CNNM1: variants seen among roughly 807,000 people sequenced by gnomAD.
CNNM1 encodes the protein cyclin and CBS domain divalent metal cation transport mediator 1.
In CNNM1, 44 loss-of-function variants were observed where a neutral mutation model predicts 78.8. That is an observed-to-expected ratio of 0.56 (90% CI 0.44 to 0.72). CNNM1 has a LOEUF of 0.72. CNNM1 is among the 30% of genes least tolerant of loss of function. The pLI is 0.00. For synonymous variants in CNNM1, 584 were observed against 581.5 expected, an observed-to-expected ratio of 1.00 and a Z score of -0.06; for missense variants, 1,101 against 1,292.2, an observed-to-expected ratio of 0.85 and a Z score of 2.27.
chr10:99,387,734 G>A (rs1041907975), intron 7 of CNNM1, 86 bp from the exon 8 acceptor site: 28 of 1,375,828 alleles, frequency 2.0e-5, no homozygotes, highest in Middle Eastern at 3.8e-4. Flanking sequence ...GCACCCCAGC[G>A]AGGCTGCCCC....
At chr10:99,384,438 TC>T (rs1344388351) in intron 7 of CNNM1, among the ~76,000 whole-genome samples, 3 of 152,286 alleles carry the variant, frequency 2.0e-5, no homozygotes, top group African/African-American at 7.2e-5. Flanking sequence ...GTGGTACCTT[TC>T]CTTTTATATA....
rs145317702 is a variant in CNNM1 at position 99,382,805 on chromosome 10, G to A, written c.2341-5015G>A. On this transcript the variant is annotated intron_variant, in intron 7 of 10. Transcript: ENST00000356713. ...CAGGAGACATCACATTAGCCTAAAG[G>A]TTAACTTCTGGACACCTTGGCTGCT... Among the ~76,000 whole-genome samples the A allele has an allele frequency of 2.0e-3, 306 of 152,266 alleles. 2 individuals are homozygous for A. Among genetic ancestry groups the A allele is most frequent in the Admixed American group, 3.9e-3 (59 of 15,292 alleles).
chr10:99,384,159 C>T (rs73328358), intron 7 of CNNM1, among the ~76,000 whole-genome samples: 5,301 of 152,140 alleles, frequency 0.035, 280 homozygotes, highest in African/African-American at 0.12. Context: ...AACAGTATTA[C>T]GCTAGATTAA....
intron 2 of CNNM1, among the ~76,000 whole-genome samples, chr10:99,358,738 G>A (rs188449575): frequency 1.2e-3 from 177 of 152,212 alleles, no homozygotes; most frequent in Admixed American, 3.8e-3. Flanking sequence ...TGAGGAACGA[G>A]CTCGGAAATG....
chr10:99,353,994 C>T (rs1043196217), intron 1 of CNNM1, among the ~76,000 whole-genome samples: 2 of 152,082 alleles, frequency 1.3e-5, no homozygotes, highest in African/African-American at 4.8e-5. Flanking sequence ...AATTTAATTT[C>T]ATCATATGAA....
rs1020931217 is a variant in CNNM1, at chr10:99,329,907, C to G, written c.520C>G (p.Arg174Gly). ...GGAGCTGCGCAAGGGCGAAGCGGAG[C>G]GGGGCGGCGCGGGCGGTGGCGGGAA... ...VRELRKGEAE[R>G]GGAGGGGKLF... The change falls in exon 1 of 11, where the codon CGG becomes GGG. Residue 174 changes from arginine (R) to glycine (G), a missense_variant. Physicochemically the swap from Arg to Gly is moderately radical, Grantham distance 125. Coordinates refer to ENST00000356713, the MANE Select transcript of CNNM1 (RefSeq NM_020348.3). 1.4e-6 allele frequency: 2 copies of G among 1,384,406 alleles called. No homozygotes were observed. Among genetic ancestry groups the G allele is most frequent in the Non-Finnish European group, 9.3e-7 (1 of 1,077,056 alleles). 85.8% of individuals were successfully genotyped at this position (1,384,406 alleles called of 1,614,324 possible). A position where few individuals can be genotyped will look rare whatever the true frequency, so the allele number is the denominator to read the frequency against.
rs779616573 is a variant in CNNM1, at chr10:99,387,967, G to A, written c.2488G>A (p.Ala830Thr). 31 of 1,599,914 alleles carry A rather than the reference G, an allele frequency of 1.9e-5. No individual in the cohort carries two copies. The highest frequency in any genetic ancestry group is 1.6e-4 in the African/African-American group (12 of 74,574). Residue 830 changes from alanine (A) to threonine (T), a missense_variant, in exon 8 of 11, where the codon GCC (alanine) becomes ACC (threonine). Transcript: ENST00000356713. ...GTPQTPKDDP[A>T]ITLLNNRNSL... ...ACCCCAGACCCCTAAGGATGACCCCGCCATCACGCTCCTCAACAACAGGAA... is the reference window on the plus strand; with the variant it reads ...ACCCCAGACCCCTAAGGATGACCCCACCATCACGCTCCTCAACAACAGGAA...
At chr10:99,354,943 A>G (rs2031080457) in intron 1 of CNNM1, among the ~76,000 whole-genome samples, 2 of 152,166 alleles carry the variant, frequency 1.3e-5, no homozygotes, top group African/African-American at 4.8e-5. Flanking sequence ...TCAGTACAGA[A>G]GGAGGCTGAA....
Position 99,330,802 on chromosome 10 carries a change from G to T in CNNM1, c.1415G>T (p.Arg472Leu), listed in dbSNP as rs1439584352. The part of the protein sequence containing the change: ...TRIPVYEGDQ[R>L]HNIVDILFVK... ...ATCCCAGTGTACGAGGGTGACCAGC[G>T]GCACAACATTGTGGACATTTTATTT... The change falls in exon 1 of 11, where the codon CGG (arginine) becomes CTG (leucine). Residue 472 changes from arginine to leucine, a missense_variant. Around this residue, in one of 3 missense-constraint regions of CNNM1, gnomAD observed 277 missense variants for 423.2 expected, o/e 0.65. Coordinates refer to ENST00000356713, the MANE Select transcript of CNNM1 (RefSeq NM_020348.3). The T allele has an allele frequency of 1.2e-6, 2 of 1,614,042 alleles. No individual in the cohort carries two copies. Among genetic ancestry groups the T allele is most frequent in the Admixed American group, 3.3e-5 (2 of 60,008 alleles).
In CNNM1 at chr10:99,377,041, C is replaced by G. The variant is rs1347836572; in HGVS notation, c.2177-14C>G. The G allele has an allele frequency of 1.4e-6, 2 of 1,441,684 alleles. No homozygotes were observed. Among genetic ancestry groups the G allele is most frequent in the African/African-American group, 1.4e-5 (1 of 70,072 alleles). The allele number at this position is 1,441,684 out of a possible 1,614,324, so 89.3% of individuals were successfully genotyped here. ...ATCCCTCCTTGTCTTTTCTCCATCT[C>G]TCACCATCTGCAGTAAACCGGTCCC... On this transcript the variant is annotated splice_polypyrimidine_tract_variant and intron_variant, in intron 6 of 10. Transcript: ENST00000356713.
intron 1 of CNNM1, among the ~76,000 whole-genome samples, chr10:99,352,931 T>A (rs1373111557): frequency 6.6e-6 from 1 of 152,172 alleles, no homozygotes; most frequent in Non-Finnish European, 1.5e-5. Flanking sequence ...GGTTTTCTCC[T>A]ATGTTTTTTT....
At position 99,392,070 on chromosome 10, in the gene CNNM1, C is replaced by A. The variant is rs1306328323; in HGVS notation, c.*554C>A. On this transcript the variant is annotated 3_prime_UTR_variant, in exon 11 of 11. Coordinates refer to ENST00000356713, the MANE Select transcript of CNNM1 (RefSeq NM_020348.3). ...GAGCTTTAAAGAAGTGGGACTCAGC[C>A]ATGTTGGCGCGTGATTGACATTACA... The A allele has an allele frequency of 2.0e-5, 3 of 153,344 alleles. No individual in the cohort carries two copies. The East Asian group carries it at 5.7e-4, about 29-fold the overall frequency. The allele number at this position is 153,344 out of a possible 1,614,324, so 9.5% of individuals were successfully genotyped here. A position where few individuals can be genotyped will look rare whatever the true frequency, so the allele number is the denominator to read the frequency against.
At chr10:99,368,489 TGCAGAGAAA>T in intron 6 of CNNM1, 4 of 422,846 alleles carry the variant, frequency 9.5e-6, no homozygotes, top group Admixed American at 6.1e-5. Flanking sequence ...GATTCCTTTT[TGCAGAGAAA>T]TGTGATGTTG....
chr10:99,365,031 C>A, intron 6 of CNNM1, 29 bp downstream of exon 6: 1 of 1,613,090 alleles, frequency 6.2e-7, no homozygotes, highest in South Asian at 1.1e-5. Context: ...CCTTCCTCGT[C>A]CTCCCCATCG....
intron 7 of CNNM1, among the ~76,000 whole-genome samples, chr10:99,381,467 C>T (rs2032155447): frequency 1.4e-5 from 2 of 145,460 alleles, no homozygotes; most frequent in South Asian, 2.2e-4. Flanking sequence ...TTAGGCCAGG[C>T]GCGGTGGCTC....
chr10:99,338,774 C>A (rs984803499), intron 1 of CNNM1, among the ~76,000 whole-genome samples: 1 of 152,020 alleles, frequency 6.6e-6, no homozygotes, highest in Non-Finnish European at 1.5e-5. Context: ...TAATGAAATT[C>A]TTAAAAAGAA....
intron 8 of CNNM1, 37 bp from the exon 9 acceptor site, chr10:99,388,115 C>G (rs758201675): frequency 1.9e-6 from 3 of 1,611,812 alleles, no homozygotes; most frequent in Non-Finnish European, 2.5e-6. Flanking sequence ...GGGTCTTCTC[C>G]AAAGCAGAGA....
At chr10:99,374,172 G>A (rs2031894355) in intron 6 of CNNM1, among the ~76,000 whole-genome samples, 1 of 152,208 alleles carries the variant, frequency 6.6e-6, no homozygotes, top group African/African-American at 2.4e-5. Flanking sequence ...GAAGTGAAAT[G>A]TACCTTTTTC....
chr10:99,342,248 G>A (rs2030487843), intron 1 of CNNM1, among the ~76,000 whole-genome samples: 1 of 152,228 alleles, frequency 6.6e-6, no homozygotes. Context: ...ACCTGGGACA[G>A]TTCTTTCTGG....
Sources: allele counts gnomAD v4.1 joint callset (sites outside exome capture counted in the v4.1 genomes callset), GRCh38; gene constraint gnomAD v4.1.1; regional missense constraint gnomAD v4.1.1; transcripts MANE v1.5; gene names NCBI Gene and HGNC (gene_info 2026-07-23, HGNC 2026-07-21).